GPD2: variants seen among roughly 807,000 people sequenced by gnomAD.
The protein encoded by GPD2 is glycerol-3-phosphate dehydrogenase, mitochondrial.
In GPD2, 54 loss-of-function variants were observed where a neutral mutation model predicts 82.4. The ratio of observed to expected loss-of-function variants is 0.66; its 90% confidence interval spans 0.53 to 0.82. The LOEUF is 0.82. Ranked by LOEUF, GPD2 falls within the 40% of genes least tolerant of loss-of-function variation. The probability of loss-of-function intolerance (pLI) is 0.00; values close to 1 mark genes in which losing one functional copy is unlikely to be tolerated. For missense variants in GPD2, 748 were observed against 896.2 expected (o/e 0.83, Z 2.11); for synonymous variants, 288 against 306.1 (o/e 0.94, Z 0.62).
chr2:156,482,701 T>A (rs1361418582), intron 2 of GPD2, among the ~76,000 whole-genome samples: 2 of 152,212 alleles, frequency 1.3e-5, no homozygotes, highest in African/African-American at 4.8e-5. Flanking sequence ...AGGATCTTCA[T>A]GATTTGCAAA....
At chr2:156,568,578 G>A (rs926086549) in intron 9 of GPD2, among the ~76,000 whole-genome samples, 4 of 151,748 alleles carry the variant, frequency 2.6e-5, no homozygotes, top group Non-Finnish European at 5.9e-5. Flanking sequence ...CTTCCTCTGT[G>A]GTATCAATGT....
intron 1 of GPD2, among the ~76,000 whole-genome samples, chr2:156,464,145 T>G (rs1683077385): frequency 6.6e-6 from 1 of 152,176 alleles, no homozygotes; most frequent in African/African-American, 2.4e-5. Flanking sequence ...TTCTTCACTT[T>G]TTTTGGAGTG....
chr2:156,536,974 G>T (rs1394633815), intron 6 of GPD2, among the ~76,000 whole-genome samples: 1 of 152,172 alleles, frequency 6.6e-6, no homozygotes, highest in Non-Finnish European at 1.5e-5. Flanking sequence ...CTTGAGGGAA[G>T]AGCTAAGCAG....
chr2:156,431,918 G>A (rs1322442384), upstream of GPD2, among the ~76,000 whole-genome samples: 5 of 122,100 alleles, frequency 4.1e-5, no homozygotes, highest in East Asian at 2.4e-4. Flanking sequence ...ATAGAGTCTC[G>A]CCCTGTTGCC....
intron 2 of GPD2, among the ~76,000 whole-genome samples, chr2:156,487,923 CTA>C (rs1160688638): frequency 6.6e-6 from 1 of 152,148 alleles, no homozygotes; most frequent in Non-Finnish European, 1.5e-5. Flanking sequence ...CAATTTTTAG[CTA>C]TAAAAAGTTT....
intron 2 of GPD2, among the ~76,000 whole-genome samples, chr2:156,492,239 C>T (rs1359608300): frequency 1.4e-5 from 2 of 138,070 alleles, no homozygotes; most frequent in African/African-American, 5.4e-5. Flanking sequence ...CTGCAGCCTC[C>T]TTCTCCTGGA....
At chr2:156,563,634 A>G (rs1687255248) in intron 9 of GPD2, among the ~76,000 whole-genome samples, 1 of 152,184 alleles carries the variant, frequency 6.6e-6, no homozygotes, top group African/African-American at 2.4e-5. Flanking sequence ...CATGAGTGAC[A>G]ATAAAGTGTT....
intron 1 of GPD2, among the ~76,000 whole-genome samples, chr2:156,442,677 G>T (rs1682216392): frequency 6.6e-6 from 1 of 152,008 alleles, no homozygotes; most frequent in African/African-American, 2.4e-5. Context: ...GTCTGGTGGT[G>T]CGTGTCTCCT....
chr2:156,556,584 A>G (rs1296942649), intron 8 of GPD2, among the ~76,000 whole-genome samples: 3 of 152,156 alleles, frequency 2.0e-5, no homozygotes, highest in South Asian at 2.1e-4. Flanking sequence ...ATTTTTGACT[A>G]TCGTTTTGGG....
rs144219563 is a variant in GPD2, at chr2:156,452,794, G to A, written c.-9+16281G>A. ...ATAAAATTTCTGAAGAGCCAGGAAG[G>A]AAGGGGATCTAGTGTACAAATAGAA... On this transcript the variant is annotated intron_variant, in intron 1 of 16. Coordinates refer to ENST00000438166, the MANE Select transcript of GPD2 (RefSeq NM_000408.5). Among the ~76,000 whole-genome samples the A allele has an allele frequency of 8.0e-3, 1,219 of 151,820 alleles. 5 individuals carry two copies. The highest frequency in any genetic ancestry group is 0.012 in the Non-Finnish European group (787 of 68,022).
At chr2:156,558,757 C>T (rs886300751) in intron 9 of GPD2, among the ~76,000 whole-genome samples, 3 of 134,882 alleles carry the variant, frequency 2.2e-5, no homozygotes, top group African/African-American at 7.8e-5. Flanking sequence ...ACCACCACGC[C>T]CAGCTAACTT....
the GPD2 span, among the ~76,000 whole-genome samples, chr2:156,426,775 G>T: frequency 1.3e-5 from 2 of 151,876 alleles, no homozygotes; most frequent in Admixed American, 6.6e-5. Flanking sequence ...TCTAGGGAAT[G>T]GTTTTTTTCT....
the GPD2 span, among the ~76,000 whole-genome samples, chr2:156,415,323 T>C: frequency 6.6e-6 from 1 of 151,854 alleles, no homozygotes; most frequent in Non-Finnish European, 1.5e-5. Context: ...CACTCCCGGC[T>C]ATTTTTTCGT....
intron 1 of GPD2, among the ~76,000 whole-genome samples, chr2:156,466,067 G>C (rs1019461669): frequency 6.6e-6 from 1 of 152,184 alleles, no homozygotes; most frequent in African/African-American, 2.4e-5. Context: ...GTGAAGGAAT[G>C]CTTCAAGTTT....
intron 6 of GPD2, among the ~76,000 whole-genome samples, chr2:156,541,140 A>G (rs1686294082): frequency 6.6e-6 from 1 of 152,202 alleles, no homozygotes; most frequent in African/African-American, 2.4e-5. Context: ...TTCTCCTTCC[A>G]CAGCTGAGAG....
intron 11 of GPD2, 144 bp downstream of exon 11, chr2:156,569,682 AGAT>A (rs1687539337): frequency 1.4e-6 from 1 of 730,716 alleles, no homozygotes; most frequent in African/African-American, 1.7e-5. Context: ...AAGGAAAAAA[AGAT>A]GATCTTGCTT....
chr2:156,404,133 C>T, the GPD2 span, among the ~76,000 whole-genome samples: 2 of 151,684 alleles, frequency 1.3e-5, no homozygotes, highest in East Asian at 1.9e-4. Context: ...TTTGAGAGGC[C>T]GAGACAGAAG....
At chr2:156,455,120 G>C (rs985296044) in intron 1 of GPD2, among the ~76,000 whole-genome samples, 1 of 152,050 alleles carries the variant, frequency 6.6e-6, no homozygotes, top group African/African-American at 2.4e-5. Flanking sequence ...TTTGGACTTC[G>C]TGCTGTCCCC....
intron 6 of GPD2, among the ~76,000 whole-genome samples, chr2:156,534,846 GGAAACCATT>G (rs1358561007): frequency 6.6e-6 from 1 of 151,966 alleles, no homozygotes; most frequent in Non-Finnish European, 1.5e-5. Flanking sequence ...ATACAGACAA[GGAAACCATT>G]GATTTATGGT....
Sources: gnomAD v4.1 joint callset for allele counts (sites outside exome capture counted in the v4.1 genomes callset) on GRCh38, gnomAD v4.1.1 for gene constraint, MANE v1.5 for transcripts, NCBI Gene and HGNC (gene_info 2026-07-23, HGNC 2026-07-21) for gene names.